GPHN: variants seen among roughly 807,000 people sequenced by gnomAD.
The protein encoded by GPHN is gephyrin.
Under a neutral mutation model 95.5 loss-of-function variants are expected in GPHN, and 17 were observed. The ratio of observed to expected loss-of-function variants is 0.18; its 90% CI spans 0.12 to 0.27. The LOEUF is 0.27. Among genes scored for constraint, GPHN ranks in the 10% least tolerant of loss-of-function variants. The pLI is 1.00. For missense variants in GPHN, 660 were observed against 978.1 expected (o/e 0.67, Z 4.34); for synonymous variants, 320 against 322.5 (o/e 0.99, Z 0.08).
intron 2 of GPHN, among the ~76,000 whole-genome samples, chr14:66,758,740 G>A (rs1392265556): frequency 6.6e-6 from 1 of 152,042 alleles, no homozygotes; most frequent in Non-Finnish European, 1.5e-5. Flanking sequence ...CCGGGTTATG[G>A]GTACCCCATT....
intron 12 of GPHN, among the ~76,000 whole-genome samples, chr14:67,099,532 C>A (rs1018358650): frequency 1.4e-5 from 2 of 143,678 alleles, no homozygotes; most frequent in Admixed American, 1.4e-4. Flanking sequence ...AAAAACTGAA[C>A]AATGTAACAG....
chr14:66,609,759 G>T (rs548282464), intron 1 of GPHN, among the ~76,000 whole-genome samples: 11 of 152,210 alleles, frequency 7.2e-5, no homozygotes, highest in Admixed American at 2.0e-4. Context: ...TGAAGTTCTT[G>T]TAGTGAATTT....
the GPHN span, chr14:67,647,074 C>T: frequency 1.7e-6 from 2 of 1,152,616 alleles, no homozygotes; most frequent in Non-Finnish European, 2.6e-6. Flanking sequence ...GGGCAACACA[C>T]TTTTAGCCTG....
At chr14:67,180,705 C>T in intron 22 of GPHN, 99 bp from the exon 23 acceptor site, 2 of 1,164,434 alleles carry the variant, frequency 1.7e-6, no homozygotes, top group South Asian at 2.6e-5. Context: ...CTCTTGAAGA[C>T]CCGCATTTCT....
downstream of GPHN, among the ~76,000 whole-genome samples, chr14:67,185,227 G>T (rs1452092582): frequency 1.3e-5 from 2 of 152,178 alleles, no homozygotes; most frequent in African/African-American, 4.8e-5. Context: ...AACAACAGTG[G>T]TGGGCATGTT....
the GPHN span, among the ~76,000 whole-genome samples, chr14:67,423,378 T>C: frequency 6.6e-6 from 1 of 152,118 alleles, no homozygotes. Flanking sequence ...GCCAGCTTCT[T>C]CATGAACAGA....
At chr14:67,478,682 A>G in the GPHN span, among the ~76,000 whole-genome samples, 187 of 152,082 alleles carry the variant, frequency 1.2e-3, no homozygotes, top group African/African-American at 4.2e-3. Context: ...CCAGATCTCT[A>G]CCTTGCTGTT....
chr14:67,706,538 G>A, the GPHN span, among the ~76,000 whole-genome samples: 1 of 152,192 alleles, frequency 6.6e-6, no homozygotes, highest in African/African-American at 2.4e-5. Context: ...TCGAAGCATG[G>A]AATGGGCTTC....
intron 8 of GPHN, among the ~76,000 whole-genome samples, chr14:66,964,796 C>T (rs2069196691): frequency 1.3e-5 from 2 of 152,062 alleles, no homozygotes; most frequent in African/African-American, 4.8e-5. Flanking sequence ...TGATGGTGTG[C>T]ATACAGGTCA....
At chr14:67,363,430 C>T in the GPHN span, among the ~76,000 whole-genome samples, 1 of 152,028 alleles carries the variant, frequency 6.6e-6, no homozygotes, top group Admixed American at 6.6e-5. Context: ...GTGTTATGTA[C>T]TCTGGCACTG....
chr14:66,641,654 C>CA (rs74268127), intron 1 of GPHN, among the ~76,000 whole-genome samples: 7,220 of 100,478 alleles, frequency 0.072, 205 homozygotes, highest in Middle Eastern at 0.18. Flanking sequence ...AAGTAGATGA[C>CA]AAAAAAAAAA....
intron 3 of GPHN, among the ~76,000 whole-genome samples, chr14:66,780,384 A>G (rs1055886562): frequency 3.3e-5 from 5 of 152,190 alleles, no homozygotes; most frequent in Non-Finnish European, 5.9e-5. Context: ...TATATGAGGT[A>G]TTAAAATTGG....
chr14:66,939,500 A>G (rs894850097), intron 8 of GPHN, among the ~76,000 whole-genome samples: 2 of 152,130 alleles, frequency 1.3e-5, no homozygotes, highest in Non-Finnish European at 2.9e-5. Flanking sequence ...CTGGCAAAGC[A>G]AGAGAGAATC....
At chr14:66,948,059 A>AT (rs1446085664) in intron 8 of GPHN, among the ~76,000 whole-genome samples, 1 of 152,234 alleles carries the variant, frequency 6.6e-6, no homozygotes, top group African/African-American at 2.4e-5. Context: ...ATAATAGAGA[A>AT]TCATTTTTGA....
chr14:67,028,659 G>T (rs978579305), intron 10 of GPHN, among the ~76,000 whole-genome samples: 1 of 152,136 alleles, frequency 6.6e-6, no homozygotes, highest in Admixed American at 6.6e-5. Flanking sequence ...CCATAGGTAT[G>T]TCCTCTTTTG....
intron 10 of GPHN, among the ~76,000 whole-genome samples, chr14:67,050,460 A>G (rs984528403): frequency 3.9e-5 from 6 of 152,228 alleles, no homozygotes; most frequent in African/African-American, 1.4e-4. Context: ...GACAGAGAAT[A>G]CAAAGATTAA....
chr14:67,072,963 G>A (rs2076364345), intron 11 of GPHN, among the ~76,000 whole-genome samples: 1 of 151,864 alleles, frequency 6.6e-6, no homozygotes, highest in South Asian at 2.1e-4. Flanking sequence ...TATCATAGTT[G>A]GCATATTGGT....
chr14:66,931,383 GAT>G (rs1034079016), intron 8 of GPHN, among the ~76,000 whole-genome samples: 2 of 151,936 alleles, frequency 1.3e-5, no homozygotes, highest in Non-Finnish European at 1.5e-5. Flanking sequence ...CTTGAATATT[GAT>G]ATCTTTCTCT....
At chr14:67,454,934 C>G in the GPHN span, among the ~76,000 whole-genome samples, 5 of 152,092 alleles carry the variant, frequency 3.3e-5, no homozygotes, top group East Asian at 9.7e-4. Flanking sequence ...AGTGCAACCT[C>G]TGCCTCCTGG....
Sources: gnomAD v4.1 joint callset for allele counts (sites outside exome capture counted in the v4.1 genomes callset) on GRCh38, gnomAD v4.1.1 for gene constraint, MANE v1.5 for transcripts, NCBI Gene and HGNC (gene_info 2026-07-23, HGNC 2026-07-21) for gene names.